DLG2: variants seen among roughly 807,000 people sequenced by gnomAD.
The protein encoded by DLG2 is discs large MAGUK scaffold protein 2, also known as disks large homolog 2.
Under a neutral mutation model 132.5 loss-of-function variants are expected in DLG2, and 45 were observed. The ratio of observed to expected loss-of-function variants is 0.34; its 90% confidence interval spans 0.27 to 0.44. The LOEUF (loss-of-function observed/expected upper bound fraction) is 0.44. Among genes scored for constraint, DLG2 ranks in the 20% least tolerant of loss-of-function variants. The probability of loss-of-function intolerance (pLI) is 1.00; values close to 1 mark genes in which losing one functional copy is unlikely to be tolerated. For synonymous variants in DLG2, 424 were observed against 419.6 expected, an observed-to-expected ratio of 1.01 and a Z score of -0.13; for missense variants, 1,045 against 1,196.9, an observed-to-expected ratio of 0.87 and a Z score of 1.87.
intron 18 of DLG2, chr11:83,725,164 A>T (rs1454738204): frequency 2.3e-6 from 1 of 434,032 alleles, no homozygotes; most frequent in South Asian, 5.0e-5. Flanking sequence ...TGGCTATCTC[A>T]CTCACCTCTT....
intron 11 of DLG2, among the ~76,000 whole-genome samples, chr11:84,033,909 A>T (rs1484330498): frequency 1.3e-5 from 2 of 151,768 alleles, no homozygotes; most frequent in Non-Finnish European, 2.9e-5. Flanking sequence ...AAAACAAACA[A>T]ACAAACAAAC....
chr11:85,427,098 A>G (rs1191645427), intron 3 of DLG2, among the ~76,000 whole-genome samples: 2 of 152,192 alleles, frequency 1.3e-5, no homozygotes, highest in East Asian at 3.9e-4. Flanking sequence ...AAAGAAATGA[A>G]CAAAGCCTCC....
chr11:83,834,536 A>C (rs1338093549), intron 16 of DLG2, among the ~76,000 whole-genome samples: 1 of 152,072 alleles, frequency 6.6e-6, no homozygotes, highest in East Asian at 1.9e-4. Context: ...GCAAAAGGAG[A>C]GATGAGTGGA....
At chr11:83,680,378 T>C (rs1459707590) in intron 18 of DLG2, among the ~76,000 whole-genome samples, 1 of 152,198 alleles carries the variant, frequency 6.6e-6, no homozygotes, top group Non-Finnish European at 1.5e-5. Context: ...TAAGGTATAT[T>C]AACACTTTTA....
intron 7 of DLG2, among the ~76,000 whole-genome samples, chr11:84,430,605 GGTTTTGTGACCA>G (rs2098981602): frequency 6.6e-6 from 1 of 152,104 alleles, no homozygotes; most frequent in Non-Finnish European, 1.5e-5. Flanking sequence ...ATTTTACAGT[GGTTTTGTGACCA>G]ACTATCTTGC....
At chr11:84,448,872 T>C (rs1206574835) in intron 7 of DLG2, among the ~76,000 whole-genome samples, 1 of 152,030 alleles carries the variant, frequency 6.6e-6, no homozygotes, top group Non-Finnish European at 1.5e-5. Context: ...ATAATAACTA[T>C]CTTTTGAATA....
intron 17 of DLG2, among the ~76,000 whole-genome samples, chr11:83,796,566 T>C (rs5004356): frequency 0.42 from 64,546 of 151,906 alleles, 13,923 homozygotes; most frequent in Middle Eastern, 0.59. Flanking sequence ...CTAAATTCTA[T>C]TTTTTGTTAT....
Position 84,888,441 on chromosome 11 carries a change from A to T in DLG2, c.357+223220T>A, listed in dbSNP as rs75537177. Among the ~76,000 whole-genome samples the T allele has an allele frequency of 2.4e-4, 37 of 152,222 alleles. No individual in the cohort carries two copies. The East Asian group carries it at 6.8e-3, about 28-fold the overall frequency. On this transcript the variant is annotated intron_variant, in intron 6 of 27. Coordinates refer to ENST00000376104, the MANE Select transcript of DLG2 (RefSeq NM_001142699.3). ...GGACTCTAGGACTTAAAACAGCACC[A>T]TTCCTACTTTTCAGTTCTTAGGCTT... is the stretch of plus-strand genomic sequence containing the variant.
At chr11:84,893,384 G>A (rs1368085001) in intron 6 of DLG2, among the ~76,000 whole-genome samples, 1 of 152,164 alleles carries the variant, frequency 6.6e-6, no homozygotes, top group Non-Finnish European at 1.5e-5. Flanking sequence ...GTATCACAAT[G>A]GGTTTCAAAT....
chr11:83,950,288 T>C (rs1041407498), intron 14 of DLG2, among the ~76,000 whole-genome samples: 2 of 152,196 alleles, frequency 1.3e-5, no homozygotes, highest in Non-Finnish European at 2.9e-5. Context: ...GCCCTGAATA[T>C]TGTTTGTAAA....
chr11:85,379,194 T>G (rs539907995), intron 3 of DLG2, among the ~76,000 whole-genome samples: 1 of 152,296 alleles, frequency 6.6e-6, no homozygotes, highest in African/African-American at 2.4e-5. Flanking sequence ...TGGGATGAAC[T>G]TAGACTTTTA....
In DLG2 at chr11:85,201,455, A is replaced by G. The variant is rs563064571; in HGVS notation, c.187-46804T>C. Reference sequence around the variant, plus strand: ...GCCAGCTTTCCCACACAGCCCTGGTATCTGACTTAGGTGTTCCCCAGGTCT... The same window carrying G: ...GCCAGCTTTCCCACACAGCCCTGGTGTCTGACTTAGGTGTTCCCCAGGTCT... On this transcript the variant is annotated intron_variant, in intron 4 of 27. Transcript: ENST00000376104. 4.6e-5 allele frequency among the ~76,000 whole-genome samples: 7 copies of G among 152,110 alleles called. No individual in the cohort carries two copies. The East Asian group carries it at 1.4e-3, about 30-fold the overall frequency.
At chr11:85,375,371 C>T (rs943417009) in intron 3 of DLG2, among the ~76,000 whole-genome samples, 6 of 152,160 alleles carry the variant, frequency 3.9e-5, no homozygotes, top group Non-Finnish European at 2.9e-5. Context: ...CCAGATCAAA[C>T]ACCCGAATCT....
chr11:84,258,984 T>C (rs1416302418), intron 7 of DLG2, among the ~76,000 whole-genome samples: 2 of 152,106 alleles, frequency 1.3e-5, no homozygotes, highest in Admixed American at 6.6e-5. Context: ...AAAGAATGCA[T>C]GTGTAGGCCA....
At chr11:85,254,851 A>T (rs2076583874) in intron 4 of DLG2, among the ~76,000 whole-genome samples, 2 of 152,012 alleles carry the variant, frequency 1.3e-5, no homozygotes, top group South Asian at 4.2e-4. Context: ...ATACAAAAAA[A>T]TTAATTAGGC....
intron 14 of DLG2, among the ~76,000 whole-genome samples, chr11:83,945,656 T>C (rs2083655638): frequency 6.6e-6 from 1 of 152,206 alleles, no homozygotes; most frequent in Non-Finnish European, 1.5e-5. Context: ...ATGCCTTTAG[T>C]TATAAAATCT....
chr11:83,976,619 C>T (rs2092262829), intron 12 of DLG2, among the ~76,000 whole-genome samples: 1 of 151,896 alleles, frequency 6.6e-6, no homozygotes, highest in African/African-American at 2.4e-5. Flanking sequence ...TTCTCCTTTT[C>T]AGGGTTATTT....
chr11:85,349,884 G>T (rs189661272), intron 3 of DLG2, among the ~76,000 whole-genome samples: 17 of 151,752 alleles, frequency 1.1e-4, no homozygotes, highest in East Asian at 3.9e-4. Context: ...GTGTGCACGT[G>T]TCTTTATAGT....
At chr11:85,501,572 A>G (rs1598003009) in intron 3 of DLG2, among the ~76,000 whole-genome samples, 1 of 152,218 alleles carries the variant, frequency 6.6e-6, no homozygotes, top group Non-Finnish European at 1.5e-5. Context: ...CAAATTTATA[A>G]GAAAAAAGCA....
Sources: allele counts gnomAD v4.1 joint callset (sites outside exome capture counted in the v4.1 genomes callset), GRCh38; gene constraint gnomAD v4.1.1; transcripts MANE v1.5; gene names NCBI Gene and HGNC (gene_info 2026-07-23, HGNC 2026-07-21).